The following SLC5A5 variants were observed in gnomAD, a reference collection of about 807,000 sequenced individuals.
SLC5A5 encodes the protein solute carrier family 5 member 5.
In SLC5A5, 56 loss-of-function variants were observed where a neutral mutation model predicts 68.6. The observed-to-expected ratio is 0.82, with a 90% CI of 0.66 to 1.02. The LOEUF (loss-of-function observed/expected upper bound fraction) is 1.02. Ranked by LOEUF, SLC5A5 falls within the 50% of genes least tolerant of loss-of-function variation. SLC5A5 has a pLI of 0.00. For missense variants in SLC5A5, 807 were observed against 859.8 expected, an observed-to-expected ratio of 0.94 and a Z score of 0.77; for synonymous variants, 398 against 373.0, an observed-to-expected ratio of 1.07 and a Z score of -0.77.
intron 1 of SLC5A5, 80 bp from the exon 2 acceptor site, chr19:17,874,058 C>G (rs1262494555): frequency 6.8e-6 from 7 of 1,031,788 alleles, no homozygotes; most frequent in Non-Finnish European, 7.6e-6. Context: ...AGGGGCCCAC[C>G]TAGAGAGCAG....
chr19:17,885,622 C>T (rs898291071), intron 12 of SLC5A5, among the ~76,000 whole-genome samples: 2 of 152,044 alleles, frequency 1.3e-5, no homozygotes, highest in African/African-American at 4.8e-5. Flanking sequence ...CTCAAGTGAT[C>T]TGCCTGCCTC....
At position 17,878,021 on chromosome 19, in the gene SLC5A5, T is replaced by C. The variant is rs1295358073; in HGVS notation, c.897T>C (p.Cys299=). The C allele has an allele frequency of 2.5e-6, 4 of 1,613,408 alleles. No individual in the cohort carries two copies. The highest frequency in any genetic ancestry group is 3.4e-6 in the Non-Finnish European group (4 of 1,180,014). The change falls in exon 7 of 15, where the codon TGT becomes TGC. Residue 299 remains cysteine, a synonymous_variant. Coordinates refer to ENST00000222248, the MANE Select transcript of SLC5A5 (RefSeq NM_000453.3). ...LFLIVSSAAC[C]GIVMFVFYTD... ...TGATCGTGTCCAGCGCTGCCTGCTG[T>C]GGCATCGTCATGTTTGTGTTCTACA...
At chr19:17,883,636 G>T (rs778016210) in intron 10 of SLC5A5, 45 bp from the exon 11 acceptor site, 42 of 1,511,882 alleles carry the variant, frequency 2.8e-5, no homozygotes, top group Non-Finnish European at 3.6e-5. Context: ...GCCCAGAGCG[G>T]TGGGAGGGCT....
At chr19:17,892,215 T>C (rs530849548) in intron 14 of SLC5A5, among the ~76,000 whole-genome samples, 43 of 151,868 alleles carry the variant, frequency 2.8e-4, no homozygotes, top group African/African-American at 6.8e-4. Context: ...AATTGAACAA[T>C]TGAACCCGGG....
chr19:17,872,601 G>A lies in SLC5A5; in HGVS notation c.282G>A (p.Gln94=). 1 of 1,612,490 alleles carries A rather than the reference G, an allele frequency of 6.2e-7. No individual in the cohort carries two copies. The highest frequency in any genetic ancestry group is 1.3e-5 in the African/African-American group (1 of 75,056). ...GLKFLWMCLG[Q]LLNSVLTALL... is the part of the protein sequence containing the mutation. Reference sequence around the variant, plus strand: ...AGTTCCTCTGGATGTGCCTGGGCCAGCTTCTGAACTCGGTCCTCACCGCCC... The same window carrying A: ...AGTTCCTCTGGATGTGCCTGGGCCAACTTCTGAACTCGGTCCTCACCGCCC... The change falls in exon 1 of 15, where the codon CAG becomes CAA. Residue 94 remains glutamine (Q), a synonymous_variant. Coordinates refer to ENST00000222248, the MANE Select transcript of SLC5A5 (RefSeq NM_000453.3).
intron 12 of SLC5A5, among the ~76,000 whole-genome samples, chr19:17,887,193 C>G (rs776410550): frequency 6.6e-6 from 1 of 152,190 alleles, no homozygotes; most frequent in Non-Finnish European, 1.5e-5. Flanking sequence ...ATTCTGGGTA[C>G]AAGCCCCTGA....
At chr19:17,883,597 G>T in intron 10 of SLC5A5, 84 bp from the exon 11 acceptor site, 2 of 1,101,820 alleles carry the variant, frequency 1.8e-6, no homozygotes, top group Non-Finnish European at 2.8e-6. Context: ...GAGTTCCTGA[G>T]GTCTCGCTTT....
At chr19:17,892,850 G>T (rs1009332167) in intron 14 of SLC5A5, among the ~76,000 whole-genome samples, 3 of 152,082 alleles carry the variant, frequency 2.0e-5, no homozygotes, top group African/African-American at 7.2e-5. Context: ...GTTAGGAGAA[G>T]AGGAACCAGC....
chr19:17,886,076 G>C (rs1184880883), intron 12 of SLC5A5, among the ~76,000 whole-genome samples: 1 of 139,144 alleles, frequency 7.2e-6, no homozygotes, highest in Non-Finnish European at 1.6e-5. Flanking sequence ...GATCAGGCTG[G>C]TCTTGAACTC....
intron 7 of SLC5A5, among the ~76,000 whole-genome samples, chr19:17,879,702 G>A (rs1450856687): frequency 6.6e-6 from 1 of 152,106 alleles, no homozygotes; most frequent in Non-Finnish European, 1.5e-5. Context: ...CGGGACTGCT[G>A]GACTGTGTAA....
rs150634529 is a variant in SLC5A5, at chr19:17,884,728, G to A, written c.1526+682G>A. Among the ~76,000 whole-genome samples the A allele has an allele frequency of 4.0e-3, 600 of 151,872 alleles. 12 individuals are homozygous for A. The highest frequency in any genetic ancestry group is 0.014 in the African/African-American group (565 of 41,230). Reference sequence around the variant, plus strand: ...GTGGAGGTTGCAGTGAGCTGAGATCGCACCACTGTATTCCAGCCTGGGCAA... The same window carrying A: ...GTGGAGGTTGCAGTGAGCTGAGATCACACCACTGTATTCCAGCCTGGGCAA... On this transcript the variant is annotated intron_variant, in intron 12 of 14. Coordinates refer to ENST00000222248, the MANE Select transcript of SLC5A5 (RefSeq NM_000453.3).
intron 2 of SLC5A5, 52 bp from the exon 3 acceptor site, chr19:17,874,442 C>G: frequency 6.3e-7 from 1 of 1,576,244 alleles, no homozygotes; most frequent in Non-Finnish European, 8.7e-7. Flanking sequence ...CTCCCCATCC[C>G]CAACTCGCCC....
chr19:17,872,239 T>C lies in SLC5A5; in HGVS notation c.-81T>C. 35 of 420,994 alleles carry C rather than the reference T, an allele frequency of 8.3e-5. No homozygotes were observed. The highest frequency in any genetic ancestry group is 7.2e-4 in the Middle Eastern group (1 of 1,390). The allele number at this position is 420,994 out of a possible 1,614,324, so 26.1% of individuals were successfully genotyped here. On this transcript the variant is annotated 5_prime_UTR_variant, in exon 1 of 15. Coordinates refer to ENST00000222248, the MANE Select transcript of SLC5A5 (RefSeq NM_000453.3). ...ATCCTCCCACCCGCCCTCCCCGTCC[T>C]GCCTCCTCGGCCCCTGCCAGCTTCC...
At chr19:17,880,716 A>AAAACC (rs1262161475) in intron 7 of SLC5A5, 149 bp from the exon 8 acceptor site, 6 of 699,618 alleles carry the variant, frequency 8.6e-6, no homozygotes, top group Non-Finnish European at 1.3e-5. Context: ...AAAACAAAAC[A>AAAACC]AAACCACAGA....
chr19:17,878,773 C>T lies in SLC5A5; in HGVS notation c.969+680C>T, dbSNP rs183976622. 2.4e-3 allele frequency among the ~76,000 whole-genome samples: 366 copies of T among 151,716 alleles called. 1 individual carries two copies. Among genetic ancestry groups the T allele is most frequent in the East Asian group, 0.01 (53 of 5,142 alleles). On this transcript the variant is annotated intron_variant, in intron 7 of 14. Coordinates refer to ENST00000222248, the MANE Select transcript of SLC5A5 (RefSeq NM_000453.3). ...GGCAGATCACTTGAGGTTAGAAGTT[C>T]GAAACCAACCTGGCCAACATGGTGA...
At chr19:17,883,315 G>T (rs2094325087) in intron 10 of SLC5A5, among the ~76,000 whole-genome samples, 1 of 151,356 alleles carries the variant, frequency 6.6e-6, no homozygotes, top group Admixed American at 6.6e-5. Context: ...AATTGGGAAG[G>T]GGGAGGTGGC....
intron 7 of SLC5A5, among the ~76,000 whole-genome samples, chr19:17,878,507 A>AAAAAT (rs112946983): frequency 0.016 from 2,462 of 151,584 alleles, 70 homozygotes; most frequent in African/African-American, 0.055. Flanking sequence ...TCTGTCTCAA[A>AAAAAT]AAAATAAAAT....
intron 7 of SLC5A5, among the ~76,000 whole-genome samples, chr19:17,878,376 G>A (rs189848231): frequency 8.6e-4 from 131 of 152,158 alleles, no homozygotes; most frequent in African/African-American, 2.1e-3. Flanking sequence ...GTGGTGGCAC[G>A]CACCTGTAGT....
In SLC5A5 at chr19:17,883,522, AG is replaced by A. The variant is rs1555753687; in HGVS notation, c.1243-149del. ...AACCCAAGGGAGATAGGCAGGAACA[AG>A]GGGGGGGGGTCCTCTCCCCTTTAGG... On this transcript the variant is annotated intron_variant, in intron 10 of 14. Transcript: ENST00000222248. 8.0e-3 allele frequency among the ~76,000 whole-genome samples: 1,149 copies of A among 143,030 alleles called. 11 individuals carry two copies. Among genetic ancestry groups the A allele is most frequent in the Middle Eastern group, 0.021 (6 of 284 alleles). 93.8% of individuals were successfully genotyped at this position (143,030 alleles called of 152,430 possible).
Sources: allele counts gnomAD v4.1 joint callset (sites outside exome capture counted in the v4.1 genomes callset), GRCh38; gene constraint gnomAD v4.1.1; transcripts MANE v1.5; gene names NCBI Gene and HGNC (gene_info 2026-07-23, HGNC 2026-07-21).